GLCCI1: variants seen among roughly 807,000 people sequenced by gnomAD.
The protein encoded by GLCCI1 is glucocorticoid-induced transcript 1 protein.
A neutral mutation model predicts 52.2 loss-of-function variants in GLCCI1; 24 were observed. That is an observed-to-expected ratio of 0.46 (90% confidence interval 0.33 to 0.65). GLCCI1 has a LOEUF of 0.65. Among genes scored for constraint, GLCCI1 ranks in the 30% least tolerant of loss-of-function variants. The pLI is 0.02. For missense variants in GLCCI1, 704 were observed against 701.5 expected (o/e 1.00, Z -0.04); for synonymous variants, 310 against 276.5 (o/e 1.12, Z -1.20).
intron 1 of GLCCI1, among the ~76,000 whole-genome samples, chr7:7,988,059 G>A (rs892161608): frequency 2.0e-5 from 3 of 152,140 alleles, no homozygotes; most frequent in Non-Finnish European, 4.4e-5. Flanking sequence ...TTTGGGGAGA[G>A]TAAGTAGTAG....
intron 1 of GLCCI1, among the ~76,000 whole-genome samples, chr7:7,992,028 A>G (rs1780846585): frequency 1.3e-5 from 2 of 151,568 alleles, no homozygotes; most frequent in East Asian, 3.9e-4. Context: ...CGTTGGAGGA[A>G]TATTAGAATT....
intron 3 of GLCCI1, among the ~76,000 whole-genome samples, chr7:8,043,130 T>A (rs1233055434): frequency 2.0e-5 from 3 of 152,214 alleles, no homozygotes; most frequent in Admixed American, 2.0e-4. Context: ...TATTTTAAAA[T>A]TAAGGTATGT....
chr7:8,046,548 ACTT>A (rs1266340604), intron 3 of GLCCI1, among the ~76,000 whole-genome samples: 2 of 152,192 alleles, frequency 1.3e-5, no homozygotes, highest in Non-Finnish European at 2.9e-5. Context: ...GGTTTCCATA[ACTT>A]CTTATCGGAA....
chr7:8,025,225 G>T (rs1781589208), intron 3 of GLCCI1, among the ~76,000 whole-genome samples: 1 of 152,096 alleles, frequency 6.6e-6, no homozygotes, highest in Non-Finnish European at 1.5e-5. Context: ...CTAGGAATAG[G>T]TGCAGATGAA....
rs756493390 is a variant in GLCCI1 at position 8,071,085 on chromosome 7, T to C, written c.1131T>C (p.Asp377=). The part of the protein sequence containing the change: ...VSPFCPPESQ[D]GSPCSTEDLL... ...CTTTTTGTCCCCCGGAATCCCAGGA[T>C]GGTAGCCCTTGCTCAACAGAAGATT... Residue 377 remains aspartate (D), a synonymous_variant, in exon 6 of 8, where the codon GAT becomes GAC. Coordinates refer to ENST00000223145, the MANE Select transcript of GLCCI1 (RefSeq NM_138426.4). 205 of 1,614,224 alleles carry C rather than the reference T, an allele frequency of 1.3e-4. No homozygotes were observed. Among genetic ancestry groups the C allele is most frequent in the East Asian group, 2.2e-5 (1 of 44,892 alleles).
chr7:8,013,566 T>C (rs1225895479), intron 2 of GLCCI1, among the ~76,000 whole-genome samples: 2 of 152,246 alleles, frequency 1.3e-5, no homozygotes, highest in Admixed American at 1.3e-4. Context: ...TTCCTCAAAA[T>C]GTTTTATATT....
intron 2 of GLCCI1, among the ~76,000 whole-genome samples, chr7:8,021,500 C>T (rs1781487370): frequency 6.6e-6 from 1 of 152,006 alleles, no homozygotes; most frequent in African/African-American, 2.4e-5. Flanking sequence ...GCAGCCTCTG[C>T]CTCCCGGGTT....
rs1363829469 is a variant in GLCCI1 at position 8,088,237 on chromosome 7, T to A, written c.*1699T>A. ...TTAAGAAATGATATATATATGTATA[T>A]GTTTGTGTGTGTGTGTGTGTGTGTG... On this transcript the variant is annotated 3_prime_UTR_variant, in exon 8 of 8. Coordinates refer to ENST00000223145, the MANE Select transcript of GLCCI1 (RefSeq NM_138426.4). The A allele has an allele frequency of 1.1e-5, 1 of 88,500 alleles. No individual in the cohort carries two copies. Among genetic ancestry groups the A allele is most frequent in the African/African-American group, 5.2e-5 (1 of 19,406 alleles). The allele number at this position is 88,500 out of a possible 1,614,324, so 5.5% of individuals were successfully genotyped here.
chr7:7,978,552 C>T (rs1438280584), intron 1 of GLCCI1, among the ~76,000 whole-genome samples: 1 of 151,954 alleles, frequency 6.6e-6, no homozygotes, highest in African/African-American at 2.4e-5. Context: ...GTCATTTGTG[C>T]TTACTATAAG....
chr7:7,974,835 C>A (rs1780429691), intron 1 of GLCCI1, among the ~76,000 whole-genome samples: 1 of 152,162 alleles, frequency 6.6e-6, no homozygotes, highest in Non-Finnish European at 1.5e-5. Context: ...GATAGACTTT[C>A]TGGCAGCCCC....
At chr7:8,040,112 C>T (rs138622657) in intron 3 of GLCCI1, among the ~76,000 whole-genome samples, 262 of 151,996 alleles carry the variant, frequency 1.7e-3, no homozygotes, top group Non-Finnish European at 3.2e-3. Flanking sequence ...AGTATTTCAT[C>T]AAAGAGAATG....
At chr7:8,055,625 T>A (rs1306282416) in intron 4 of GLCCI1, 76 bp downstream of exon 4, 7 of 857,914 alleles carry the variant, frequency 8.2e-6, no homozygotes, top group Non-Finnish European at 1.4e-5. Flanking sequence ...TTTCAGCATT[T>A]AAAAAAACCC....
intron 3 of GLCCI1, among the ~76,000 whole-genome samples, chr7:8,045,427 G>A (rs1176132767): frequency 3.9e-5 from 6 of 152,174 alleles, no homozygotes; most frequent in Non-Finnish European, 8.8e-5. Flanking sequence ...GCTGGAATTG[G>A]TTGTTTTCAA....
chr7:8,022,400 G>C (rs1423854721), intron 2 of GLCCI1, 83 bp from the exon 3 acceptor site: 1 of 742,994 alleles, frequency 1.3e-6, no homozygotes, highest in African/African-American at 1.9e-5. Context: ...TAAGTGCTAA[G>C]AATTTTAAAT....
chr7:8,006,679 C>T (rs1781157456), intron 2 of GLCCI1, among the ~76,000 whole-genome samples: 1 of 152,158 alleles, frequency 6.6e-6, no homozygotes, highest in African/African-American at 2.4e-5. Flanking sequence ...CCCCACTACC[C>T]AATGACAAAT....
intron 3 of GLCCI1, among the ~76,000 whole-genome samples, chr7:8,054,051 AT>A (rs987474047): frequency 5.1e-4 from 77 of 152,218 alleles, no homozygotes; most frequent in African/African-American, 1.8e-3. Flanking sequence ...ATGTTTAAAT[AT>A]TTTTTTAAAT....
chr7:8,061,434 T>C (rs1584010625), intron 5 of GLCCI1, among the ~76,000 whole-genome samples: 1 of 151,956 alleles, frequency 6.6e-6, no homozygotes, highest in Non-Finnish European at 1.5e-5. Context: ...ATTGGAGAAA[T>C]ATTTATTTAG....
intron 1 of GLCCI1, among the ~76,000 whole-genome samples, chr7:7,994,347 A>C (rs554441928): frequency 6.6e-6 from 1 of 152,366 alleles, no homozygotes; most frequent in South Asian, 2.1e-4. Context: ...AAACTATTAA[A>C]ATCTAAATTT....
intron 1 of GLCCI1, among the ~76,000 whole-genome samples, chr7:7,997,178 A>G (rs1427196586): frequency 6.6e-6 from 1 of 152,166 alleles, no homozygotes; most frequent in East Asian, 1.9e-4. Context: ...ACCTTTCCAT[A>G]TCTTGTATTC....
Sources: allele counts gnomAD v4.1 joint callset (sites outside exome capture counted in the v4.1 genomes callset), GRCh38; gene constraint gnomAD v4.1.1; transcripts MANE v1.5; gene names NCBI Gene and HGNC (gene_info 2026-07-23, HGNC 2026-07-21).